Variants in ABLIM1 observed in about 807,000 individuals in gnomAD.
ABLIM1 encodes actin binding LIM protein 1.
Under a neutral mutation model 107.0 loss-of-function variants are expected in ABLIM1, and 40 were observed. The ratio of observed to expected loss-of-function variants is 0.37; its 90% CI spans 0.29 to 0.49. The LOEUF (loss-of-function observed/expected upper bound fraction) is 0.49, where lower values mean the gene tolerates loss of function less well. Ranked by LOEUF, ABLIM1 falls within the 20% of genes least tolerant of loss-of-function variation. The pLI, the probability that ABLIM1 is intolerant of heterozygous loss-of-function variation, is 0.97. For synonymous variants in ABLIM1, 357 were observed against 357.3 expected, an observed-to-expected ratio of 1.00 and a Z score of 0.01; for missense variants, 857 against 1,008.5, an observed-to-expected ratio of 0.85 and a Z score of 2.04.
chr10:114,494,111 G>A (rs1246217425), intron 6 of ABLIM1, among the ~76,000 whole-genome samples: 3 of 152,142 alleles, frequency 2.0e-5, no homozygotes, highest in Non-Finnish European at 2.9e-5. Context: ...ATACATACAA[G>A]AGAATTCAGT....
At chr10:114,468,979 A>G (rs1038586377) in intron 10 of ABLIM1, among the ~76,000 whole-genome samples, 21 of 149,336 alleles carry the variant, frequency 1.4e-4, no homozygotes, top group Non-Finnish European at 2.4e-4. Context: ...GTGAACCCGG[A>G]AGGCGAAGCT....
chr10:114,699,005 C>A (rs1392617391), intron 1 of ABLIM1, among the ~76,000 whole-genome samples: 1 of 149,630 alleles, frequency 6.7e-6, no homozygotes, highest in Admixed American at 6.7e-5. Flanking sequence ...GATAGAGTCT[C>A]CAAGAAAACA....
intron 8 of ABLIM1, among the ~76,000 whole-genome samples, chr10:114,475,748 T>A (rs112797708): frequency 0.033 from 4,985 of 152,162 alleles, 245 homozygotes; most frequent in African/African-American, 0.11. Flanking sequence ...TGAGAGGTGG[T>A]TATGTGAGCA....
chr10:114,533,992 G>A (rs1038550644), intron 6 of ABLIM1, among the ~76,000 whole-genome samples: 2 of 152,172 alleles, frequency 1.3e-5, no homozygotes, highest in African/African-American at 4.8e-5. Flanking sequence ...ATTACCTTGT[G>A]CACTGAGAGA....
chr10:114,628,506 G>A (rs1289930583), intron 1 of ABLIM1, among the ~76,000 whole-genome samples: 1 of 152,224 alleles, frequency 6.6e-6, no homozygotes, highest in Non-Finnish European at 1.5e-5. Context: ...ACACATGAAT[G>A]TCAGGTGGAA....
chr10:114,741,461 G>A (rs1017320247), intron 1 of ABLIM1, among the ~76,000 whole-genome samples: 6 of 151,812 alleles, frequency 4.0e-5, no homozygotes, highest in East Asian at 2.0e-4. Flanking sequence ...TTCTGACCTC[G>A]TGATCCGCCC....
intron 14 of ABLIM1, 73 bp downstream of exon 14, chr10:114,451,551 T>G (rs2061902078): frequency 7.0e-7 from 1 of 1,428,514 alleles, no homozygotes; most frequent in Admixed American, 1.7e-5. Context: ...AGGAAAAGCC[T>G]TTCAGAGGAC....
At chr10:114,743,959 C>G (rs1365958362) in intron 1 of ABLIM1, among the ~76,000 whole-genome samples, 5 of 152,218 alleles carry the variant, frequency 3.3e-5, no homozygotes, top group Admixed American at 3.3e-4. Context: ...CAAAGTGAGA[C>G]AAGAAGTTGG....
intron 8 of ABLIM1, among the ~76,000 whole-genome samples, chr10:114,484,469 G>GA (rs2057881428): frequency 6.6e-6 from 1 of 152,062 alleles, no homozygotes; most frequent in Non-Finnish European, 1.5e-5. Flanking sequence ...TGCAACCTCT[G>GA]TCTCCAGGGT....
intron 1 of ABLIM1, among the ~76,000 whole-genome samples, chr10:114,761,050 G>A (rs1419387658): frequency 1.3e-5 from 2 of 152,082 alleles, no homozygotes; most frequent in Non-Finnish European, 2.9e-5. Flanking sequence ...CAGAAACATG[G>A]CCCCCATATC....
chr10:114,691,353 C>T (rs780304793), intron 1 of ABLIM1, among the ~76,000 whole-genome samples: 6 of 152,124 alleles, frequency 3.9e-5, no homozygotes, highest in Non-Finnish European at 7.4e-5. Flanking sequence ...TAACTAGAAG[C>T]GGAATGCACT....
chr10:114,675,734 T>C (rs2080454268), intron 1 of ABLIM1, among the ~76,000 whole-genome samples: 1 of 152,174 alleles, frequency 6.6e-6, no homozygotes, highest in South Asian at 2.1e-4. Context: ...CTGGGTGGCT[T>C]ACACAACAGA....
At chr10:114,539,372 A>G (rs1047085984) in intron 6 of ABLIM1, among the ~76,000 whole-genome samples, 2 of 151,884 alleles carry the variant, frequency 1.3e-5, no homozygotes, top group African/African-American at 4.8e-5. Context: ...AACAACAACA[A>G]CAAAAAAGAG....
intron 12 of ABLIM1, among the ~76,000 whole-genome samples, chr10:114,454,213 A>T (rs1565315391): frequency 6.6e-6 from 1 of 152,200 alleles, no homozygotes; most frequent in Non-Finnish European, 1.5e-5. Flanking sequence ...AGTACTACTG[A>T]GGACAAATAG....
In ABLIM1 at chr10:114,704,271, G is replaced by GCTCTCTCTCTCTCTCTCTCTCTCT. The variant is rs1215619815; in HGVS notation, c.-213+63766_-213+63789dup. Among the ~76,000 whole-genome samples, 7 of 40,976 alleles carry GCTCTCTCTCTCTCTCTCTCTCTCT rather than the reference G, an allele frequency of 1.7e-4. 1 individual carries two copies. The highest frequency in any genetic ancestry group is 3.7e-4 in the Non-Finnish European group (7 of 18,830). The allele number at this position is 40,976 out of a possible 152,430, so 26.9% of individuals were successfully genotyped here. A position where few individuals can be genotyped will look rare whatever the true frequency, so the allele number is the denominator to read the frequency against. On this transcript the variant is annotated intron_variant, in intron 1 of 15. Coordinates refer to the ABLIM1 transcript ENST00000651092. ...CTCTCTGACACTCTATCTCTCTCTC[G>GCTCTCTCTCTCTCTCTCTCTCTCT]CTCTCTCTCTCTCTCTCTCTCTCTC...
At chr10:114,788,503 G>C in the ABLIM1 span, among the ~76,000 whole-genome samples, 1 of 151,638 alleles carries the variant, frequency 6.6e-6, no homozygotes, top group East Asian at 1.9e-4. Flanking sequence ...TGAGGGGGAC[G>C]GATCACCTGA....
At chr10:114,438,942 T>C (rs538869846) in intron 21 of ABLIM1, among the ~76,000 whole-genome samples, 2 of 152,336 alleles carry the variant, frequency 1.3e-5, no homozygotes, top group Admixed American at 6.5e-5. Context: ...ACCTTGGTCA[T>C]AGGCAGAGAG....
intron 6 of ABLIM1, among the ~76,000 whole-genome samples, chr10:114,519,778 G>A (rs1437628178): frequency 6.6e-6 from 1 of 152,092 alleles, no homozygotes; most frequent in African/African-American, 2.4e-5. Flanking sequence ...ACTTCTCACT[G>A]GTCCTACCCC....
the ABLIM1 span, among the ~76,000 whole-genome samples, chr10:114,776,604 C>T: frequency 6.6e-6 from 1 of 151,968 alleles, no homozygotes; most frequent in Non-Finnish European, 1.5e-5. Context: ...TAGAGCAAGA[C>T]TTAGTCTCAA....
Sources: gnomAD v4.1 joint callset for allele counts (sites outside exome capture counted in the v4.1 genomes callset) on GRCh38, gnomAD v4.1.1 for gene constraint, MANE v1.5 for transcripts, NCBI Gene and HGNC (gene_info 2026-07-23, HGNC 2026-07-21) for gene names.